PIEZO1: variants seen among roughly 807,000 people sequenced by gnomAD.
PIEZO1 encodes the protein piezo type mechanosensitive ion channel component 1 (Er blood group), also known as piezo-type mechanosensitive ion channel component 1.
In PIEZO1, 296 loss-of-function variants were observed where a neutral mutation model predicts 297.2. The observed-to-expected ratio is 1.00, with a 90% CI of 0.91 to 1.10. The LOEUF (loss-of-function observed/expected upper bound fraction) is 1.10. PIEZO1 is among the 50% of genes least tolerant of loss of function. The pLI is 0.00. For synonymous variants in PIEZO1, 2,427 were observed against 1,507.5 expected (o/e 1.61, Z -14.13); for missense variants, 5,018 against 3,455.5 (o/e 1.45, Z -11.34).
chr16:88,747,519 A>G (rs1463211728), intron 2 of PIEZO1, among the ~76,000 whole-genome samples: 1 of 152,242 alleles, frequency 6.6e-6, no homozygotes, highest in Admixed American at 6.5e-5. Flanking sequence ...CCATCTCAAA[A>G]AAAATAAATA....
chr16:88,720,674 G>T lies in PIEZO1; in HGVS notation c.5743C>A (p.Arg1915Ser), dbSNP rs13338527. The change falls in exon 40 of 51, where the codon CGC becomes AGC. Residue 1915 changes from arginine to serine, a missense_variant. Transcript: ENST00000301015. ...GCCGCCCTTACTCTTCCTCCAGAGCGGCTTGGCCTCTTCTCTCTCCCCGTG... is the reference window on the plus strand; with the variant it reads ...GCCGCCCTTACTCTTCCTCCAGAGCTGCTTGGCCTCTTCTCTCTCCCCGTG... ...APTGREKRPS[R>S]SGGRVRAAGR... 2,193 of 1,546,806 alleles carry T rather than the reference G, an allele frequency of 1.4e-3. 19 individuals carry two copies. In the African/African-American group the frequency reaches 0.015, roughly 10 times the overall value.
chr16:88,736,983 C>G (rs903685592), intron 10 of PIEZO1: 2 of 415,018 alleles, frequency 4.8e-6, no homozygotes. Context: ...GAAAGGTGGC[C>G]CTGACCCCCT....
rs930269458 is a variant in PIEZO1, at chr16:88,722,620, G to A, written c.4738C>T (p.Pro1580Ser). Residue 1580 changes from proline to serine, a missense_variant, in exon 35 of 51, where the codon CCC becomes TCC. Physicochemically the swap from Pro to Ser is moderately conservative, Grantham distance 74. Coordinates refer to ENST00000301015, the MANE Select transcript of PIEZO1 (RefSeq NM_001142864.4). ...TSQAEATLPG[P>S]TEAPNAPSTV... Reference sequence around the variant, plus strand: ...CTTGGGGCATTGGGGGCCTCGGTGGGGCCTGGCAGCGTGGCCTCGGCCTGG... The same window carrying A: ...CTTGGGGCATTGGGGGCCTCGGTGGAGCCTGGCAGCGTGGCCTCGGCCTGG... The A allele has an allele frequency of 2.0e-6, 3 of 1,538,422 alleles. No homozygotes were observed. Among genetic ancestry groups the A allele is most frequent in the Non-Finnish European group, 2.6e-6 (3 of 1,145,818 alleles).
chr16:88,755,216 C>A (rs1906594256), intron 1 of PIEZO1, among the ~76,000 whole-genome samples: 2 of 152,234 alleles, frequency 1.3e-5, no homozygotes, highest in African/African-American at 2.4e-5. Context: ...CCCCCGCCGC[C>A]CCCGCCATGT....
In PIEZO1 at chr16:88,731,713, C is replaced by T; in HGVS notation, c.3189G>A (p.Leu1063=). 2 of 1,549,418 alleles carry T rather than the reference C, an allele frequency of 1.3e-6. No individual in the cohort carries two copies. The highest frequency in any genetic ancestry group is 2.0e-5 in the Admixed American group (1 of 50,970). ...YLLCLGMPPA[L]CIDYPWRWSR... ...AAGCCACGTGCCCCTCACCAATGCA[C>T]AGGGCCGGGGGCATCCCCAGGCACA... is the stretch of plus-strand genomic sequence containing the variant. Residue 1063 remains leucine, a synonymous_variant, in exon 22 of 51, where the codon CTG becomes CTA. Coordinates refer to ENST00000301015, the MANE Select transcript of PIEZO1 (RefSeq NM_001142864.4).
chr16:88,723,178 T>A lies in PIEZO1; in HGVS notation c.4439-27A>T. On this transcript the variant is annotated intron_variant, in intron 32 of 50. Coordinates refer to ENST00000301015, the MANE Select transcript of PIEZO1 (RefSeq NM_001142864.4). Reference sequence around the variant, plus strand: ...TGGGCACAGGATGCTGGTGAGTGACTGGCAGTCCCGCGGCTTCCCCTCAGA... The same window carrying A: ...TGGGCACAGGATGCTGGTGAGTGACAGGCAGTCCCGCGGCTTCCCCTCAGA... 4 of 1,549,418 alleles carry A rather than the reference T, an allele frequency of 2.6e-6. No individual in the cohort carries two copies. In the South Asian group the frequency reaches 3.6e-5, roughly 14 times the overall value.
Position 88,734,703 on chromosome 16 carries a change from C to T in PIEZO1, c.1944G>A (p.Gln648=). The T allele has an allele frequency of 6.5e-7, 1 of 1,550,358 alleles. No homozygotes were observed. The highest frequency in any genetic ancestry group is 1.4e-5 in the African/African-American group (1 of 73,184). ...GCCAGTAGGCAGGGAAGTCCTGGAACTGGAAGGTGTAGACGGCGATGAGGA... is the reference window on the plus strand; with the variant it reads ...GCCAGTAGGCAGGGAAGTCCTGGAATTGGAAGGTGTAGACGGCGATGAGGA... ...MLVLIAVYTF[Q]FQDFPAYWRN... Residue 648 remains glutamine (Q), a synonymous_variant, in exon 15 of 51, where the codon CAG becomes CAA. Transcript: ENST00000301015.
intron 1 of PIEZO1, among the ~76,000 whole-genome samples, chr16:88,766,015 C>T (rs1907160743): frequency 6.6e-6 from 1 of 152,208 alleles, no homozygotes; most frequent in Middle Eastern, 3.4e-3. Context: ...GGAGGAGGTG[C>T]GACCAGAGAC....
At position 88,720,005 on chromosome 16, in the gene PIEZO1, C is replaced by T. The variant is rs576894497; in HGVS notation, c.6165-45G>A. ...TCAAGGACCCCATCAGAAACAGCCC[C>T]GCAGGGCCCCCAGCCTGCACTGCCC... On this transcript the variant is annotated intron_variant, in intron 42 of 50. Transcript: ENST00000301015. 5.9e-5 allele frequency: 91 copies of T among 1,549,222 alleles called. 1 individual carries two copies. In the Admixed American group the frequency reaches 8.0e-4, roughly 14 times the overall value.
intron 1 of PIEZO1, among the ~76,000 whole-genome samples, chr16:88,752,437 A>G (rs1906436619): frequency 1.3e-5 from 2 of 152,228 alleles, no homozygotes; most frequent in East Asian, 3.8e-4. Flanking sequence ...AGCCATGATC[A>G]CGCTGCCGCA....
rs1380414244 is a variant in PIEZO1 at position 88,721,246 on chromosome 16, G to T, written c.5588C>A (p.Pro1863His). The change falls in exon 39 of 51, where the codon CCC becomes CAC. Residue 1863 changes from proline (P) to histidine (H), a missense_variant. Physicochemically the swap from Pro to His is moderately conservative, Grantham distance 77. Transcript: ENST00000301015. The stretch of plus-strand genomic sequence containing the variant: ...TAGACTGATGCGCCTCGTATCACGG[G>T]GCCTGAGCTCCACTTGGGGTTCTGG... ...GTPEPQVELRPRDTRRISLRF... is the reference protein window; with the variant it reads ...GTPEPQVELRHRDTRRISLRF... 1.3e-6 allele frequency: 2 copies of T among 1,542,194 alleles called. No individual in the cohort carries two copies. Among genetic ancestry groups the T allele is most frequent in the Non-Finnish European group, 1.7e-6 (2 of 1,146,352 alleles).
At chr16:88,723,801 C>G (rs2142774171) in intron 31 of PIEZO1, 70 bp downstream of exon 31, 1 of 838,228 alleles carries the variant, frequency 1.2e-6, no homozygotes, top group South Asian at 1.5e-5. Context: ...CTGACACCCT[C>G]TATGCTGCCC....
chr16:88,742,826 G>A (rs1182706811), intron 2 of PIEZO1: 3 of 345,028 alleles, frequency 8.7e-6, no homozygotes, highest in Non-Finnish European at 1.7e-5. Context: ...GCAGGTGGAT[G>A]GAGACCAGAG....
chr16:88,768,071 AGCCC>A (rs1180126948), intron 1 of PIEZO1, among the ~76,000 whole-genome samples: 2 of 152,206 alleles, frequency 1.3e-5, no homozygotes, highest in Non-Finnish European at 2.9e-5. Flanking sequence ...GGGACCCACG[AGCCC>A]CCAAAGCCAT....
Position 88,734,932 on chromosome 16 carries a change from G to T in PIEZO1, c.1791C>A (p.Leu597=), listed in dbSNP as rs1567673005. The T allele has an allele frequency of 6.4e-7, 1 of 1,550,452 alleles. No homozygotes were observed. The highest frequency in any genetic ancestry group is 2.4e-5 in the East Asian group (1 of 40,916). ...MFIVVSFAGR[L]VVYKIVYMFL... Reference sequence around the variant, plus strand: ...ACATGTAGACAATCTTGTAGACCACGAGGCGGCCGGCGAAGCTGACCACGA... The same window carrying T: ...ACATGTAGACAATCTTGTAGACCACTAGGCGGCCGGCGAAGCTGACCACGA... The change falls in exon 14 of 51, where the codon CTC becomes CTA. Residue 597 remains leucine (L), a synonymous_variant. Coordinates refer to ENST00000301015, the MANE Select transcript of PIEZO1 (RefSeq NM_001142864.4).
intron 30 of PIEZO1, among the ~76,000 whole-genome samples, chr16:88,724,731 G>T (rs991742867): frequency 2.0e-5 from 3 of 152,154 alleles, no homozygotes; most frequent in African/African-American, 7.2e-5. Context: ...AGTGCTGCTG[G>T]GTCCCAGGTG....
chr16:88,746,761 C>T (rs1047422333), intron 2 of PIEZO1, among the ~76,000 whole-genome samples: 34 of 152,238 alleles, frequency 2.2e-4, no homozygotes, highest in Non-Finnish European at 3.8e-4. Context: ...CACCCCAGCT[C>T]CTCCCCTGGC....
Position 88,727,117 on chromosome 16 carries a change from C to T in PIEZO1, c.3377G>A (p.Arg1126His), listed in dbSNP as rs765932757. 1.8e-5 allele frequency: 28 copies of T among 1,549,954 alleles called. 1 individual carries two copies. The highest frequency in any genetic ancestry group is 7.3e-5 in the East Asian group (3 of 40,916). The change falls in exon 24 of 51, where the codon CGC (arginine) becomes CAC (histidine). Residue 1126 changes from arginine (R) to histidine (H), a missense_variant. Arg to His is a conservative substitution (Grantham distance 29). Coordinates refer to ENST00000301015, the MANE Select transcript of PIEZO1 (RefSeq NM_001142864.4). ...GCGGTCGGTGTTGACGCCAGCCATG[C>T]GCTGCCACTCCTCTGTGCGCTCAGC... ...FSAERTEEWQ[R>H]MAGVNTDRLE...
At chr16:88,758,312 C>T (rs1341190821) in intron 1 of PIEZO1, among the ~76,000 whole-genome samples, 2 of 152,146 alleles carry the variant, frequency 1.3e-5, no homozygotes, top group Admixed American at 1.3e-4. Context: ...CTGTGGGCTT[C>T]CTGCCACTCC....
Sources: gnomAD v4.1 joint callset for allele counts (sites outside exome capture counted in the v4.1 genomes callset) on GRCh38, gnomAD v4.1.1 for gene constraint, MANE v1.5 for transcripts, NCBI Gene and HGNC (gene_info 2026-07-23, HGNC 2026-07-21) for gene names.